Variants in RNFT2 observed in about 807,000 individuals in gnomAD.
RNFT2 encodes E3 ubiquitin-protein ligase RNFT2.
A neutral mutation model predicts 53.0 loss-of-function variants in RNFT2; 36 were observed. That is an observed-to-expected ratio of 0.68 (90% CI 0.52 to 0.90). RNFT2 has a LOEUF of 0.90. RNFT2 is among the 40% of genes least tolerant of loss of function. RNFT2 has a pLI of 0.00. For missense variants in RNFT2, 514 were observed against 585.6 expected (o/e 0.88, Z 1.26); for synonymous variants, 260 against 253.2 (o/e 1.03, Z -0.26).
At chr12:116,759,015 A>T (rs540138862) in intron 5 of RNFT2, among the ~76,000 whole-genome samples, 1 of 152,212 alleles carries the variant, frequency 6.6e-6, no homozygotes, top group Admixed American at 6.5e-5. Context: ...TTGGTCATTT[A>T]ACATAATCCC....
chr12:116,744,428 A>T (rs1871801249), intron 3 of RNFT2, among the ~76,000 whole-genome samples: 1 of 152,158 alleles, frequency 6.6e-6, no homozygotes, highest in Non-Finnish European at 1.5e-5. Context: ...TTGAGTGCTT[A>T]TGCTGTGCCA....
At position 116,750,023 on chromosome 12, in the gene RNFT2, T is replaced by A; in HGVS notation, c.266T>A (p.Ile89Asn). 1 of 1,553,708 alleles carries A rather than the reference T, an allele frequency of 6.4e-7. No homozygotes were observed. Among genetic ancestry groups the A allele is most frequent in the Non-Finnish European group, 8.7e-7 (1 of 1,149,336 alleles). Residue 89 changes from isoleucine (I) to asparagine (N), a missense_variant, in exon 4 of 11, where the codon ATC (isoleucine) becomes AAC (asparagine). This residue lies in a region of RNFT2 where 237 missense variants were observed against 235.1 expected (regional missense o/e 1.01). Transcript: ENST00000257575. ...TCGGCTGGCGGCGGGGACGTGTTCA[T>A]CCAGATGCCCGCGTCCAGGGAGGAA... ...GSSAGGGDVF[I>N]QMPASREEGG... is the part of the protein sequence containing the mutation.
In RNFT2 at chr12:116,770,394, A is replaced by C. The variant is rs139516549; in HGVS notation, c.728+3480A>C. Reference sequence around the variant, plus strand: ...TAGGCTATGCTAACTAGTTTTGTGTAAGTCAACTCTGTGGTGTTCACACAA... The same window carrying C: ...TAGGCTATGCTAACTAGTTTTGTGTCAGTCAACTCTGTGGTGTTCACACAA... On this transcript the variant is annotated intron_variant, in intron 6 of 10. Coordinates refer to ENST00000257575, the MANE Select transcript of RNFT2 (RefSeq NM_001382266.1). Among the ~76,000 whole-genome samples the C allele has an allele frequency of 2.8e-3, 424 of 152,276 alleles. 3 individuals carry two copies. Among genetic ancestry groups the C allele is most frequent in the African/African-American group, 8.4e-3 (348 of 41,566 alleles).
intron 10 of RNFT2, among the ~76,000 whole-genome samples, chr12:116,837,085 G>A (rs1164826140): frequency 4.6e-5 from 7 of 152,176 alleles, no homozygotes; most frequent in Admixed American, 3.9e-4. Flanking sequence ...ATTACCATTT[G>A]TTTTTATTAG....
At chr12:116,843,492 CAA>C (rs35687933) in intron 10 of RNFT2, among the ~76,000 whole-genome samples, 4 of 65,128 alleles carry the variant, frequency 6.1e-5, no homozygotes, top group South Asian at 8.2e-4. Context: ...GACTGTGTCT[CAA>C]AAAAAAAAAA....
At chr12:116,830,241 A>T (rs1253186173) in intron 7 of RNFT2, among the ~76,000 whole-genome samples, 1 of 152,010 alleles carries the variant, frequency 6.6e-6, no homozygotes, top group Admixed American at 6.6e-5. Flanking sequence ...CCTCATTCAC[A>T]TTTTGCCAGT....
At chr12:116,817,212 G>A (rs952280725) in intron 7 of RNFT2, among the ~76,000 whole-genome samples, 3 of 152,062 alleles carry the variant, frequency 2.0e-5, no homozygotes, top group Admixed American at 1.3e-4. Flanking sequence ...GGGGTTTCAC[G>A]ATGTTGGCCT....
At chr12:116,800,815 A>AAATAAAAT (rs1874737736) in intron 7 of RNFT2, among the ~76,000 whole-genome samples, 1 of 108,662 alleles carries the variant, frequency 9.2e-6, no homozygotes, top group African/African-American at 4.5e-5. Context: ...CTCCATCTTA[A>AAATAAAAT]AATAAAATAA....
chr12:116,853,073 G>T lies in RNFT2; in HGVS notation c.*3625G>T. The T allele has an allele frequency of 2.4e-6, 1 of 419,642 alleles. No homozygotes were observed. The highest frequency in any genetic ancestry group is 4.1e-5 in the Admixed American group (1 of 24,458). The allele number at this position is 419,642 out of a possible 1,614,324, so 26.0% of individuals were successfully genotyped here. On this transcript the variant is annotated 3_prime_UTR_variant, in exon 11 of 11. Coordinates refer to ENST00000257575, the MANE Select transcript of RNFT2 (RefSeq NM_001382266.1). ...CCCTCTGGGGGAACGTCCCATCTGA[G>T]GTTTTCTTCTCGGTGGGGGGATTTA... is the stretch of plus-strand genomic sequence containing the variant.
intron 7 of RNFT2, among the ~76,000 whole-genome samples, chr12:116,806,367 C>CAAAAAA (rs139305837): frequency 2.5e-4 from 28 of 113,942 alleles, no homozygotes; most frequent in African/African-American, 1.0e-3. Flanking sequence ...GAGACTGTCT[C>CAAAAAA]AAAAAAAAAA....
chr12:116,771,890 A>C (rs945840297), intron 6 of RNFT2, among the ~76,000 whole-genome samples: 1 of 152,206 alleles, frequency 6.6e-6, no homozygotes, highest in East Asian at 1.9e-4. Flanking sequence ...TTCCTCCACA[A>C]ATCTGCCAAC....
chr12:116,842,441 G>A lies in RNFT2; in HGVS notation c.1200+6159G>A, dbSNP rs565488944. Among the ~76,000 whole-genome samples, 15 of 152,246 alleles carry A rather than the reference G, an allele frequency of 9.9e-5. No homozygotes were observed. In the East Asian group the frequency reaches 1.4e-3, roughly 14 times the overall value. On this transcript the variant is annotated intron_variant, in intron 10 of 10. Coordinates refer to ENST00000257575, the MANE Select transcript of RNFT2 (RefSeq NM_001382266.1). ...CACTTAGCAGCTGTGTACCTTGGGC[G>A]CACAGCTCCCCCTCTCTTGAGTCTC...
chr12:116,804,634 G>A (rs1438585310), intron 7 of RNFT2, among the ~76,000 whole-genome samples: 1 of 152,142 alleles, frequency 6.6e-6, no homozygotes, highest in African/African-American at 2.4e-5. Flanking sequence ...TTGAATTTTA[G>A]GATTGAGTAG....
intron 7 of RNFT2, among the ~76,000 whole-genome samples, chr12:116,820,344 A>G (rs960915043): frequency 1.3e-5 from 2 of 152,174 alleles, no homozygotes; most frequent in Non-Finnish European, 2.9e-5. Flanking sequence ...GGCCTCCCGT[A>G]GTTCTGGGTT....
chr12:116,794,967 C>T (rs1166145193), intron 7 of RNFT2, among the ~76,000 whole-genome samples: 2 of 152,020 alleles, frequency 1.3e-5, no homozygotes, highest in African/African-American at 4.8e-5. Context: ...GTGAATGAAA[C>T]TTGGTTTTAT....
chr12:116,842,270 T>A (rs899585988), intron 10 of RNFT2, among the ~76,000 whole-genome samples: 6 of 151,908 alleles, frequency 3.9e-5, no homozygotes, highest in African/African-American at 1.5e-4. Flanking sequence ...CTTCACTGTA[T>A]CCTCCTTGTT....
At chr12:116,843,134 G>A (rs530144950) in intron 10 of RNFT2, among the ~76,000 whole-genome samples, 1 of 152,284 alleles carries the variant, frequency 6.6e-6, no homozygotes, top group South Asian at 2.1e-4. Context: ...AATTTGGGGT[G>A]AGGGTGAGGT....
At chr12:116,741,520 A>G (rs1871608501) in intron 3 of RNFT2, among the ~76,000 whole-genome samples, 1 of 152,170 alleles carries the variant, frequency 6.6e-6, no homozygotes, top group African/African-American at 2.4e-5. Context: ...TTCTTTTGCT[A>G]TGTCTTAATG....
intron 6 of RNFT2, among the ~76,000 whole-genome samples, chr12:116,778,660 G>A (rs1393773848): frequency 2.6e-5 from 4 of 152,190 alleles, no homozygotes; most frequent in Non-Finnish European, 2.9e-5. Context: ...GACCAGCCTC[G>A]CCAACATGGC....
Sources: allele counts gnomAD v4.1 joint callset (sites outside exome capture counted in the v4.1 genomes callset), GRCh38; gene constraint gnomAD v4.1.1; regional missense constraint gnomAD v4.1.1; transcripts MANE v1.5; gene names NCBI Gene and HGNC (gene_info 2026-07-23, HGNC 2026-07-21).